Variants in MCTP1 observed in about 807,000 individuals in gnomAD.
MCTP1 encodes multiple C2 and transmembrane domain-containing protein 1.
Under a neutral mutation model 120.6 loss-of-function variants are expected in MCTP1, and 69 were observed. The observed-to-expected ratio is 0.57, with a 90% CI of 0.47 to 0.70. The LOEUF is 0.70. Ranked by LOEUF, MCTP1 falls within the 30% of genes least tolerant of loss-of-function variation. The probability of loss-of-function intolerance (pLI) is 0.00; values close to 1 mark genes in which losing one functional copy is unlikely to be tolerated. For synonymous variants in MCTP1, 529 were observed against 493.1 expected (o/e 1.07, Z -0.96); for missense variants, 1,203 against 1,248.8 (o/e 0.96, Z 0.55).
chr5:95,043,069 C>G (rs921237452), intron 1 of MCTP1, among the ~76,000 whole-genome samples: 1 of 152,088 alleles, frequency 6.6e-6, no homozygotes, highest in Admixed American at 6.6e-5. Flanking sequence ...TGTCAAATCA[C>G]CAATCTTCCA....
intron 17 of MCTP1, among the ~76,000 whole-genome samples, chr5:94,855,777 TAACA>T (rs1366867704): frequency 1.3e-5 from 2 of 151,832 alleles, no homozygotes; most frequent in African/African-American, 4.8e-5. Context: ...TCAACTGCTT[TAACA>T]AACACCATGA....
chr5:94,797,584 C>T (rs1380973268), intron 18 of MCTP1, among the ~76,000 whole-genome samples: 1 of 152,116 alleles, frequency 6.6e-6, no homozygotes, highest in Non-Finnish European at 1.5e-5. Flanking sequence ...CCATAAAATC[C>T]TTGCCAATAA....
At chr5:95,251,134 G>A (rs1757343119) in intron 1 of MCTP1, among the ~76,000 whole-genome samples, 1 of 152,104 alleles carries the variant, frequency 6.6e-6, no homozygotes, top group African/African-American at 2.4e-5. Context: ...AAGCAAGAAA[G>A]AGCATGGGCG....
chr5:95,167,881 C>A (rs1217547240), intron 1 of MCTP1, among the ~76,000 whole-genome samples: 4 of 152,190 alleles, frequency 2.6e-5, no homozygotes, highest in African/African-American at 7.2e-5. Flanking sequence ...CTTTTGCTTG[C>A]AGAAGCTCTT....
At chr5:95,172,140 A>G (rs1198080895) in intron 1 of MCTP1, among the ~76,000 whole-genome samples, 1 of 152,192 alleles carries the variant, frequency 6.6e-6, no homozygotes, top group Non-Finnish European at 1.5e-5. Flanking sequence ...CAGGACCCTC[A>G]GCTGCAGGTC....
In MCTP1 at chr5:94,870,475, C is replaced by T. The variant is rs202198042; in HGVS notation, c.2258G>A (p.Arg753Gln). The part of the protein sequence containing the change: ...VIFNAVKASL[R>Q]TLIPKEQKYI... ...CTTCTGTTCTTTGGGTATTAATGTTCGTAAGCTGGCTTTCACCTATACATC... is the reference window on the plus strand; with the variant it reads ...CTTCTGTTCTTTGGGTATTAATGTTTGTAAGCTGGCTTTCACCTATACATC... Residue 753 changes from arginine to glutamine, a missense_variant, in exon 16 of 23, where the codon CGA (arginine) becomes CAA (glutamine). Physicochemically the swap from Arg to Gln is conservative, Grantham distance 43 (BLOSUM62 1). Around this residue, in one of 2 missense-constraint regions of MCTP1, gnomAD observed 740 missense variants for 871.1 expected, o/e 0.85. Coordinates refer to ENST00000515393, the MANE Select transcript of MCTP1 (RefSeq NM_024717.7). 1.4e-5 allele frequency: 22 copies of T among 1,610,574 alleles called. No homozygotes were observed. The highest frequency in any genetic ancestry group is 4.4e-5 in the South Asian group (4 of 91,000).
At chr5:95,233,942 T>C (rs1755248472) in intron 1 of MCTP1, among the ~76,000 whole-genome samples, 1 of 149,726 alleles carries the variant, frequency 6.7e-6, no homozygotes, top group Non-Finnish European at 1.5e-5. Flanking sequence ...GGAAAGTCAA[T>C]GAAACCAAAA....
intron 10 of MCTP1, among the ~76,000 whole-genome samples, chr5:94,902,643 A>G (rs1199522904): frequency 6.6e-6 from 1 of 152,204 alleles, no homozygotes; most frequent in East Asian, 1.9e-4. Context: ...AAATTGATAT[A>G]ATATATGACT....
At chr5:94,730,379 G>A (rs757237266) in intron 19 of MCTP1, among the ~76,000 whole-genome samples, 8 of 152,106 alleles carry the variant, frequency 5.3e-5, no homozygotes, top group Non-Finnish European at 1.0e-4. Flanking sequence ...GGCTGGTCTC[G>A]AACTCAAGCA....
intron 1 of MCTP1, among the ~76,000 whole-genome samples, chr5:95,115,439 A>C (rs972809399): frequency 6.6e-6 from 1 of 151,338 alleles, no homozygotes; most frequent in African/African-American, 2.4e-5. Flanking sequence ...AGATTAAAAT[A>C]ATTTAAAAGA....
At chr5:95,217,874 A>C (rs1036750872) in intron 1 of MCTP1, among the ~76,000 whole-genome samples, 1 of 152,194 alleles carries the variant, frequency 6.6e-6, no homozygotes, top group African/African-American at 2.4e-5. Context: ...CTAACTTGTC[A>C]CTAAATAGTA....
At chr5:95,193,176 A>C (rs1254190213) in intron 1 of MCTP1, among the ~76,000 whole-genome samples, 2 of 152,206 alleles carry the variant, frequency 1.3e-5, no homozygotes, top group Non-Finnish European at 2.9e-5. Context: ...ATTTAAAAGC[A>C]AATAAGTAAT....
At chr5:95,171,271 G>A (rs182357089) in intron 1 of MCTP1, among the ~76,000 whole-genome samples, 1,772 of 152,232 alleles carry the variant, frequency 0.012, 28 homozygotes, top group African/African-American at 0.04. Flanking sequence ...AGTTTCTGCC[G>A]AGAGATCCGC....
intron 1 of MCTP1, among the ~76,000 whole-genome samples, chr5:95,184,710 CCTCCCCAAATT>C (rs1480847483): frequency 6.6e-6 from 1 of 152,170 alleles, no homozygotes; most frequent in Non-Finnish European, 1.5e-5. Context: ...AAAGTCTGAA[CCTCCCCAAATT>C]GCTCCTGGGG....
At chr5:95,092,059 G>C (rs1023568951) in intron 1 of MCTP1, among the ~76,000 whole-genome samples, 1 of 152,184 alleles carries the variant, frequency 6.6e-6, no homozygotes, top group African/African-American at 2.4e-5. Context: ...TTATGTAGAA[G>C]CAGAACATTT....
At chr5:95,014,863 A>G (rs1317990327) in intron 2 of MCTP1, among the ~76,000 whole-genome samples, 1 of 152,108 alleles carries the variant, frequency 6.6e-6, no homozygotes, top group Non-Finnish European at 1.5e-5. Flanking sequence ...GAGTAAATCA[A>G]TGTGGCAAAC....
At chr5:95,194,741 G>A (rs1750194042) in intron 1 of MCTP1, among the ~76,000 whole-genome samples, 2 of 152,172 alleles carry the variant, frequency 1.3e-5, no homozygotes, top group Non-Finnish European at 1.5e-5. Context: ...AGAGAATAAG[G>A]AAACCAAAAT....
At chr5:94,772,462 A>G (rs927163120) in intron 19 of MCTP1, among the ~76,000 whole-genome samples, 1 of 152,102 alleles carries the variant, frequency 6.6e-6, no homozygotes, top group Non-Finnish European at 1.5e-5. Flanking sequence ...TTCTGATCAC[A>G]TTAGGCCCAA....
At chr5:94,901,847 C>T (rs1229128709) in intron 10 of MCTP1, among the ~76,000 whole-genome samples, 2 of 152,040 alleles carry the variant, frequency 1.3e-5, no homozygotes, top group Non-Finnish European at 2.9e-5. Flanking sequence ...GTATGAGTCC[C>T]GTGGGGGTAC....
Sources: gnomAD v4.1 joint callset for allele counts (sites outside exome capture counted in the v4.1 genomes callset) on GRCh38, gnomAD v4.1.1 for gene constraint, gnomAD v4.1.1 regional missense constraint, MANE v1.5 for transcripts, NCBI Gene and HGNC (gene_info 2026-07-23, HGNC 2026-07-21) for gene names.